Variants in SAMD4A observed in about 807,000 individuals in gnomAD.
SAMD4A encodes sterile alpha motif domain containing 4A.
SAMD4A carries 33 observed loss-of-function variants against 81.3 expected under a neutral mutation model. That is an observed-to-expected ratio of 0.41 (90% CI 0.31 to 0.54). SAMD4A has a LOEUF of 0.54. Ranked by LOEUF, SAMD4A falls within the 20% of genes least tolerant of loss-of-function variation. The probability of loss-of-function intolerance (pLI) is 0.37; values close to 1 mark genes in which losing one functional copy is unlikely to be tolerated. For missense variants in SAMD4A, 854 were observed against 951.1 expected, an observed-to-expected ratio of 0.90 and a Z score of 1.34; for synonymous variants, 389 against 382.1, an observed-to-expected ratio of 1.02 and a Z score of -0.21.
intron 2 of SAMD4A, among the ~76,000 whole-genome samples, chr14:54,648,812 T>C (rs1329635124): frequency 1.3e-5 from 2 of 152,136 alleles, no homozygotes; most frequent in Non-Finnish European, 2.9e-5. Context: ...CCCTTGAAAA[T>C]GACCACTCTG....
intron 2 of SAMD4A, among the ~76,000 whole-genome samples, chr14:54,682,285 C>T (rs997846652): frequency 6.6e-6 from 1 of 152,196 alleles, no homozygotes. Flanking sequence ...GGCCTCCTGT[C>T]TCTTCTGTTT....
chr14:54,689,216 A>C (rs1403578748), intron 2 of SAMD4A, among the ~76,000 whole-genome samples: 1 of 152,078 alleles, frequency 6.6e-6, no homozygotes, highest in East Asian at 1.9e-4. Flanking sequence ...TACAGGCATG[A>C]GCCACCGCGC....
chr14:54,707,627 G>A (rs1458128616), intron 3 of SAMD4A, among the ~76,000 whole-genome samples: 1 of 152,102 alleles, frequency 6.6e-6, no homozygotes, highest in African/African-American at 2.4e-5. Flanking sequence ...AAGAACAAGG[G>A]TAGGATCAGG....
In SAMD4A at chr14:54,737,121, G is replaced by A. The variant is rs1279282736; in HGVS notation, c.813G>A (p.Met271Ile). Reference sequence around the variant, plus strand: ...ACCAGCCTCTAGGACATGGATGGATGTCTCATGAGGACTTACGAGCTAGAG... The same window carrying A: ...ACCAGCCTCTAGGACATGGATGGATATCTCATGAGGACTTACGAGCTAGAG... ...VPNQPLGHGW[M>I]SHEDLRARGP... The change falls in exon 4 of 13, where the codon ATG becomes ATA. Residue 271 changes from methionine to isoleucine, a missense_variant. This residue lies in a region of SAMD4A where 387 missense variants were observed against 405.8 expected (regional missense o/e 0.95). Coordinates refer to ENST00000554335, the MANE Select transcript of SAMD4A (RefSeq NM_015589.6). The A allele has an allele frequency of 2.5e-6, 4 of 1,614,000 alleles. No individual in the cohort carries two copies. The highest frequency in any genetic ancestry group is 3.3e-5 in the Admixed American group (2 of 60,004).
intron 2 of SAMD4A, among the ~76,000 whole-genome samples, chr14:54,644,832 C>G (rs1594767323): frequency 6.6e-6 from 1 of 152,106 alleles, no homozygotes; most frequent in South Asian, 2.1e-4. Flanking sequence ...GAGGGCAAGT[C>G]TTGCCTTCAG....
intron 4 of SAMD4A, among the ~76,000 whole-genome samples, chr14:54,738,727 C>G (rs2037763270): frequency 6.6e-6 from 1 of 152,200 alleles, no homozygotes; most frequent in Non-Finnish European, 1.5e-5. Flanking sequence ...AGGTGAGGCT[C>G]AACCCTGCTG....
intron 7 of SAMD4A, among the ~76,000 whole-genome samples, chr14:54,761,025 A>T (rs2038384054): frequency 6.6e-6 from 1 of 152,158 alleles, no homozygotes; most frequent in Non-Finnish European, 1.5e-5. Flanking sequence ...GGTTTGGAGA[A>T]TTCCCAGCAT....
intron 9 of SAMD4A, among the ~76,000 whole-genome samples, chr14:54,772,201 T>C (rs2038724534): frequency 1.3e-5 from 2 of 152,240 alleles, no homozygotes; most frequent in South Asian, 2.1e-4. Flanking sequence ...TTATTAATGT[T>C]ACTTTATCAA....
chr14:54,687,417 C>T (rs1444278197), intron 2 of SAMD4A: 1 of 445,120 alleles, frequency 2.2e-6, no homozygotes, highest in Non-Finnish European at 4.5e-6. Flanking sequence ...GTGTCCACAG[C>T]CCTGATTAGT....
chr14:54,740,994 T>C (rs1306653144), intron 4 of SAMD4A, among the ~76,000 whole-genome samples: 1 of 152,218 alleles, frequency 6.6e-6, no homozygotes, highest in Non-Finnish European at 1.5e-5. Context: ...GGGAAACAAC[T>C]GAAATAGGAA....
chr14:54,678,760 G>C (rs1339987730), intron 2 of SAMD4A, among the ~76,000 whole-genome samples: 1 of 152,108 alleles, frequency 6.6e-6, no homozygotes, highest in Non-Finnish European at 1.5e-5. Flanking sequence ...GTGTTAGCCA[G>C]GATGGTCTCG....
intron 2 of SAMD4A, among the ~76,000 whole-genome samples, chr14:54,666,972 C>G (rs900627783): frequency 6.6e-6 from 1 of 151,984 alleles, no homozygotes; most frequent in East Asian, 1.9e-4. Flanking sequence ...TTCACTTGAG[C>G]AGAATGACAA....
At chr14:54,762,382 C>A (rs900511127) in intron 7 of SAMD4A, among the ~76,000 whole-genome samples, 1 of 152,124 alleles carries the variant, frequency 6.6e-6, no homozygotes, top group African/African-American at 2.4e-5. Flanking sequence ...AGAACAACCC[C>A]CACCCTTCCA....
In SAMD4A at chr14:54,780,589, G is replaced by A. The variant is rs950690433; in HGVS notation, c.2045-3948G>A. ...AATCAAGGCAGACATCCCTGTTCAG[G>A]ACTGGCAGACAATGGGTAGGGAGAT... On this transcript the variant is annotated intron_variant, in intron 11 of 12. Coordinates refer to ENST00000554335, the MANE Select transcript of SAMD4A (RefSeq NM_015589.6). Among the ~76,000 whole-genome samples, 13 of 152,282 alleles carry A rather than the reference G, an allele frequency of 8.5e-5. No individual in the cohort carries two copies. The East Asian group carries it at 2.5e-3, about 29-fold the overall frequency.
Position 54,786,121 on chromosome 14 carries a change from A to G in SAMD4A, c.2128+1501A>G, listed in dbSNP as rs576766552. On this transcript the variant is annotated intron_variant, in intron 12 of 12. Transcript: ENST00000554335. Reference sequence around the variant, plus strand: ...ACCAAAGGATGAACATGGCTCAAAAAAATGTGGTGTATCCAAACAGTGAAA... The same window carrying G: ...ACCAAAGGATGAACATGGCTCAAAAGAATGTGGTGTATCCAAACAGTGAAA... 2.3e-4 allele frequency among the ~76,000 whole-genome samples: 35 copies of G among 152,360 alleles called. 1 individual carries two copies. The South Asian group carries it at 2.7e-3, about 12-fold the overall frequency.
At chr14:54,661,049 C>T (rs1442626188) in intron 2 of SAMD4A, among the ~76,000 whole-genome samples, 2 of 152,166 alleles carry the variant, frequency 1.3e-5, no homozygotes, top group African/African-American at 4.8e-5. Flanking sequence ...AAAGGCACTG[C>T]GGACTTTAAG....
intron 11 of SAMD4A, among the ~76,000 whole-genome samples, chr14:54,781,275 G>A (rs1022428715): frequency 6.6e-6 from 1 of 152,228 alleles, no homozygotes; most frequent in African/African-American, 2.4e-5. Context: ...TGCACCGTGG[G>A]TGCCACACAT....
intron 2 of SAMD4A, among the ~76,000 whole-genome samples, chr14:54,700,204 T>A (rs2036678225): frequency 6.6e-6 from 1 of 152,150 alleles, no homozygotes. Flanking sequence ...TGACCAGCCC[T>A]TTTGCTACTT....
At chr14:54,759,495 G>A (rs889909131) in intron 6 of SAMD4A, among the ~76,000 whole-genome samples, 4 of 152,132 alleles carry the variant, frequency 2.6e-5, no homozygotes, top group Non-Finnish European at 5.9e-5. Context: ...TAGCAGCCCC[G>A]ACCCGTACCA....
Sources: gnomAD v4.1 joint callset for allele counts (sites outside exome capture counted in the v4.1 genomes callset) on GRCh38, gnomAD v4.1.1 for gene constraint, gnomAD v4.1.1 regional missense constraint, MANE v1.5 for transcripts, NCBI Gene and HGNC (gene_info 2026-07-23, HGNC 2026-07-21) for gene names.